Variants in UPF2 observed in about 807,000 individuals in gnomAD.
The protein encoded by UPF2 is regulator of nonsense transcripts 2.
In UPF2, 17 loss-of-function variants were observed where a neutral mutation model predicts 141.4. The ratio of observed to expected loss-of-function variants is 0.12; its 90% CI spans 0.08 to 0.18. The LOEUF is 0.18. Among genes scored for constraint, UPF2 ranks in the 10% least tolerant of loss-of-function variants. The pLI is 1.00. For missense variants in UPF2, 1,152 were observed against 1,515.9 expected (o/e 0.76, Z 3.99); for synonymous variants, 540 against 498.0 (o/e 1.08, Z -1.12).
In UPF2 at chr10:12,029,172, G is replaced by T; in HGVS notation, c.718C>A (p.Leu240Ile). The T allele has an allele frequency of 6.2e-7, 1 of 1,614,212 alleles. No individual in the cohort carries two copies. The change falls in exon 3 of 22, where the codon CTT becomes ATT. Residue 240 changes from leucine (L) to isoleucine (I), a missense_variant. By Grantham distance (5) the Leu-to-Ile change is conservative. This residue lies in a region of UPF2 where 739 missense variants were observed against 1,032.2 expected (regional missense o/e 0.72). Coordinates refer to ENST00000357604, the MANE Select transcript of UPF2 (RefSeq NM_015542.4). ...AAATGTTTTTTCCAGACCTGAAGAA[G>T]TGATGGGGCAAAGTCAGCATAACGC... The part of the protein sequence containing the change: ...HQRYADFAPS[L>I]LQVWKKHFEA...
At chr10:11,947,726 G>A (rs897526761) in intron 16 of UPF2, among the ~76,000 whole-genome samples, 10 of 142,876 alleles carry the variant, frequency 7.0e-5, no homozygotes, top group East Asian at 2.1e-4. Context: ...GGTTGAGGCT[G>A]CAGTGAACTA....
chr10:11,921,246 A>G lies in UPF2; in HGVS notation c.*52T>C. 6.2e-7 allele frequency: 1 copy of G among 1,613,758 alleles called. No homozygotes were observed. Among genetic ancestry groups the G allele is most frequent in the South Asian group, 1.1e-5 (1 of 91,072 alleles). On this transcript the variant is annotated 3_prime_UTR_variant, in exon 22 of 22. Coordinates refer to ENST00000357604, the MANE Select transcript of UPF2 (RefSeq NM_015542.4). The surrounding 1 kb of genome is among the most constrained non-coding windows in gnomAD (Gnocchi z 5.9). ...TCTCATTCAATTGCTGGAGGACTCC[A>G]CTAACCACAACATCAGATACAGGAC...
At chr10:11,962,743 A>C (rs1273508429) in intron 11 of UPF2, among the ~76,000 whole-genome samples, 1 of 152,234 alleles carries the variant, frequency 6.6e-6, no homozygotes, top group South Asian at 2.1e-4. Context: ...CAAGCTCCTT[A>C]GCATGGCACT....
intron 19 of UPF2, among the ~76,000 whole-genome samples, chr10:11,934,347 A>G (rs957168467): frequency 6.6e-6 from 1 of 152,092 alleles, no homozygotes; most frequent in Non-Finnish European, 1.5e-5. Flanking sequence ...TTCCTCACAG[A>G]TAGAGAATGG....
chr10:12,037,293 G>A (rs1029220610), intron 1 of UPF2, among the ~76,000 whole-genome samples: 2 of 152,116 alleles, frequency 1.3e-5, no homozygotes, highest in Non-Finnish European at 2.9e-5. Context: ...TGTTGACTAG[G>A]CTGGTCTCGA....
chr10:11,923,957 C>T (rs190905973), intron 21 of UPF2, among the ~76,000 whole-genome samples: 50 of 152,230 alleles, frequency 3.3e-4, no homozygotes, highest in African/African-American at 9.9e-4. Flanking sequence ...AGAGTTAATA[C>T]GTATTTTAAA....
rs542582857 is a variant in UPF2, at chr10:11,940,835, G to A, written c.3378+1830C>T. On this transcript the variant is annotated intron_variant, in intron 18 of 21. Transcript: ENST00000357604. The surrounding 1 kb of genome is among the most constrained non-coding windows in gnomAD (Gnocchi z 4.2). ...GCCCTCCCACACAGGATTGTGCCCCGCCCTCTATTAGTGCTGGCCGCCTTT... is the reference window on the plus strand; with the variant it reads ...GCCCTCCCACACAGGATTGTGCCCCACCCTCTATTAGTGCTGGCCGCCTTT... 5.3e-5 allele frequency among the ~76,000 whole-genome samples: 8 copies of A among 152,186 alleles called. 1 individual carries two copies. In the East Asian group the frequency reaches 1.4e-3, roughly 26 times the overall value.
chr10:11,941,564 T>A (rs1309634158), intron 18 of UPF2, among the ~76,000 whole-genome samples: 4 of 146,286 alleles, frequency 2.7e-5, no homozygotes, highest in African/African-American at 7.5e-5. Flanking sequence ...CTTCTACCTT[T>A]AAAAAAAAAA....
chr10:12,032,312 GAAAGA>G (rs1272054335), intron 2 of UPF2, among the ~76,000 whole-genome samples: 2 of 119,246 alleles, frequency 1.7e-5, no homozygotes, highest in Non-Finnish European at 4.0e-5. Context: ...AAAAAAAAAA[GAAAGA>G]AAAGAAAAGA....
chr10:11,963,963 G>T, intron 11 of UPF2, 46 bp downstream of exon 11: 1 of 1,385,436 alleles, frequency 7.2e-7, no homozygotes, highest in Non-Finnish European at 1.0e-6. Flanking sequence ...TGAAGCACAG[G>T]TAAATCAAGA....
At position 11,967,457 on chromosome 10, in the gene UPF2, A is replaced by C. The variant is rs1479410105; in HGVS notation, c.1954-3T>G. On this transcript the variant is annotated splice_region_variant and splice_polypyrimidine_tract_variant and intron_variant, in intron 9 of 21. Coordinates refer to ENST00000357604, the MANE Select transcript of UPF2 (RefSeq NM_015542.4). ...TTGATCTGGTCCTTTTTCCGTACCT[A>C]AAAATTAAGAGAGAAAAGATAATGC... 6.6e-7 allele frequency: 1 copy of C among 1,520,120 alleles called. No homozygotes were observed. Among genetic ancestry groups the C allele is most frequent in the East Asian group, 2.4e-5 (1 of 41,838 alleles). The allele number at this position is 1,520,120 out of a possible 1,614,324, so 94.2% of individuals were successfully genotyped here. A position where few individuals can be genotyped will look rare whatever the true frequency, so the allele number is the denominator to read the frequency against.
At chr10:11,957,009 C>T (rs1270970766) in intron 12 of UPF2, among the ~76,000 whole-genome samples, 3 of 152,122 alleles carry the variant, frequency 2.0e-5, no homozygotes, top group Admixed American at 2.0e-4. Context: ...TTTGTAGAGG[C>T]GAGATCTTCC....
At chr10:11,961,506 G>A (rs1286080607) in intron 11 of UPF2, among the ~76,000 whole-genome samples, 1 of 151,934 alleles carries the variant, frequency 6.6e-6, no homozygotes, top group Admixed American at 6.6e-5. Context: ...AGCAGAAGAG[G>A]GAAGAGGAGG....
Position 11,940,723 on chromosome 10 carries a change from C to G in UPF2, c.3378+1942G>C, listed in dbSNP as rs1458147496. Among the ~76,000 whole-genome samples, 1 of 152,232 alleles carries G rather than the reference C, an allele frequency of 6.6e-6. No individual in the cohort carries two copies. The highest frequency in any genetic ancestry group is 2.4e-5 in the African/African-American group (1 of 41,456). ...TCCATGTGCCTTGCCATATGCTAGA[C>G]AGCTGACTGTCATCTCTCACCTGAA... On this transcript the variant is annotated intron_variant, in intron 18 of 21. Transcript: ENST00000357604. The surrounding 1 kb of genome is among the most constrained non-coding windows in gnomAD (Gnocchi z 4.2).
intron 4 of UPF2, among the ~76,000 whole-genome samples, chr10:12,006,677 G>A (rs951543880): frequency 1.3e-5 from 2 of 152,084 alleles, no homozygotes; most frequent in Non-Finnish European, 2.9e-5. Flanking sequence ...AGACAATATT[G>A]ACAATATTTA....
At position 11,956,408 on chromosome 10, in the gene UPF2, T is replaced by C. The variant is rs1833150418; in HGVS notation, c.2486A>G (p.Asn829Ser). ...GTAGAGCACTAGTCCTGCTAAGAGG[T>C]TGGCTACACAATGAATACTATTATA... ...VKYNSIHCVA[N>S]LLAGLVLYQE... Residue 829 changes from asparagine to serine, a missense_variant, in exon 13 of 22, where the codon AAC (asparagine) becomes AGC (serine). By Grantham distance (46) the Asn-to-Ser change is conservative (BLOSUM62 1). Coordinates refer to ENST00000357604, the MANE Select transcript of UPF2 (RefSeq NM_015542.4). This position sits in a 1 kb window ranked among gnomAD's most constrained non-coding sequence, Gnocchi z 4.2. 1 of 1,614,154 alleles carries C rather than the reference T, an allele frequency of 6.2e-7. No homozygotes were observed. Among genetic ancestry groups the C allele is most frequent in the East Asian group, 2.2e-5 (1 of 44,872 alleles).
At chr10:11,947,695 G>C (rs1214444825) in intron 16 of UPF2, among the ~76,000 whole-genome samples, 3 of 150,834 alleles carry the variant, frequency 2.0e-5, no homozygotes, top group African/African-American at 7.3e-5. Flanking sequence ...GCTGAGGTGG[G>C]AGGATTGCTT....
intron 21 of UPF2, chr10:11,928,855 AT>A (rs529288014): frequency 0.012 from 2,130 of 184,888 alleles, 13 homozygotes; most frequent in Non-Finnish European, 0.019. Flanking sequence ...AAATTTTATA[AT>A]TTAAAAAAAC....
At chr10:12,020,900 C>T (rs11257486) in intron 3 of UPF2, among the ~76,000 whole-genome samples, 58,726 of 152,092 alleles carry the variant, frequency 0.39, 13,647 homozygotes, top group Non-Finnish European at 0.51. Flanking sequence ...TTGTATGTTA[C>T]AGTGAAGTTA....
Sources: gnomAD v4.1 joint callset for allele counts (sites outside exome capture counted in the v4.1 genomes callset) on GRCh38, gnomAD v4.1.1 for gene constraint, gnomAD v4.1.1 regional missense constraint, Gnocchi (gnomAD v3.1) non-coding constraint, MANE v1.5 for transcripts, NCBI Gene and HGNC (gene_info 2026-07-23, HGNC 2026-07-21) for gene names.